DRGX: variants seen among roughly 807,000 people sequenced by gnomAD.
DRGX encodes the protein dorsal root ganglia homeobox protein.
In DRGX, 21 loss-of-function variants were observed where a neutral mutation model predicts 28.6. That is an observed-to-expected ratio of 0.73 (90% CI 0.52 to 1.06). DRGX has a LOEUF of 1.06. DRGX is among the 50% of genes least tolerant of loss of function. The pLI, the probability that DRGX is intolerant of heterozygous loss-of-function variation, is 0.00. For synonymous variants in DRGX, 136 were observed against 139.1 expected (o/e 0.98, Z 0.16); for missense variants, 354 against 343.9 (o/e 1.03, Z -0.23).
At chr10:49,386,964 T>C in intron 4 of DRGX, 106 bp from the exon 5 acceptor site, 2 of 1,318,570 alleles carry the variant, frequency 1.5e-6, no homozygotes, top group Non-Finnish European at 1.0e-6. Flanking sequence ...CAGCCTCCTC[T>C]CCACACCATG....
chr10:49,368,111 C>T (rs1849618312), intron 6 of DRGX, among the ~76,000 whole-genome samples: 1 of 152,188 alleles, frequency 6.6e-6, no homozygotes, highest in Non-Finnish European at 1.5e-5. Context: ...CAAAGGGAAC[C>T]TCACCTTTAC....
At chr10:49,384,625 G>C (rs1849811437) in intron 6 of DRGX, among the ~76,000 whole-genome samples, 1 of 152,200 alleles carries the variant, frequency 6.6e-6, no homozygotes, top group South Asian at 2.1e-4. Flanking sequence ...GATGTTTGTG[G>C]CCACGTTCAC....
intron 6 of DRGX, among the ~76,000 whole-genome samples, chr10:49,385,945 C>T (rs772688770): frequency 2.6e-5 from 4 of 152,170 alleles, no homozygotes; most frequent in Non-Finnish European, 5.9e-5. Context: ...AGAGGCTCCT[C>T]TCTCTGAGTC....
chr10:49,379,604 C>A (rs1312058692), intron 6 of DRGX, among the ~76,000 whole-genome samples: 2 of 152,174 alleles, frequency 1.3e-5, no homozygotes, highest in Non-Finnish European at 2.9e-5. Flanking sequence ...TCAGCCTGGC[C>A]TGGAAGTCCA....
At chr10:49,387,306 A>G (rs1350018585) in intron 4 of DRGX, among the ~76,000 whole-genome samples, 1 of 152,112 alleles carries the variant, frequency 6.6e-6, no homozygotes, top group African/African-American at 2.4e-5. Flanking sequence ...TATCTATGAT[A>G]TCATCTGGAT....
At chr10:49,378,566 A>G (rs1381944382) in intron 6 of DRGX, among the ~76,000 whole-genome samples, 7 of 152,250 alleles carry the variant, frequency 4.6e-5, no homozygotes, top group Admixed American at 4.6e-4. Flanking sequence ...TAGAATGCAA[A>G]TTATATCTCA....
chr10:49,395,442 G>A lies in DRGX; in HGVS notation c.-2C>T, dbSNP rs1849957122. The A allele has an allele frequency of 6.5e-7, 1 of 1,550,234 alleles. No homozygotes were observed. Among genetic ancestry groups the A allele is most frequent in the East Asian group, 2.4e-5 (1 of 40,908 alleles). ...TGGCGGGCAGTGGAAATAAAACATC[G>A]CCGGCTGTCAGATCGGCTGGACGGC... On this transcript the variant is annotated 5_prime_UTR_variant, in exon 2 of 7. Coordinates refer to ENST00000374139, the MANE Select transcript of DRGX (RefSeq NM_001276451.2).
At position 49,375,869 on chromosome 10, in the gene DRGX, C is replaced by T. The variant is rs573257513; in HGVS notation, c.527-9488G>A. ...CCTCCTTCCAGCAGCAGCCAGAGCTCGGCATGGGCAGGCTGCTTCTCCTGC... is the reference window on the plus strand; with the variant it reads ...CCTCCTTCCAGCAGCAGCCAGAGCTTGGCATGGGCAGGCTGCTTCTCCTGC... On this transcript the variant is annotated intron_variant, in intron 6 of 6. Transcript: ENST00000374139. Among the ~76,000 whole-genome samples the T allele has an allele frequency of 4.6e-5, 7 of 152,250 alleles. No individual in the cohort carries two copies. In the East Asian group the frequency reaches 7.7e-4, roughly 17 times the overall value.
At chr10:49,378,301 T>C (rs1286765968) in intron 6 of DRGX, among the ~76,000 whole-genome samples, 1 of 152,042 alleles carries the variant, frequency 6.6e-6, no homozygotes, top group Non-Finnish European at 1.5e-5. Context: ...AGCTTCCTCA[T>C]GAGATCAATA....
chr10:49,370,422 C>T (rs1849647120), intron 6 of DRGX, among the ~76,000 whole-genome samples: 1 of 152,160 alleles, frequency 6.6e-6, no homozygotes, highest in South Asian at 2.1e-4. Flanking sequence ...TAAAAAGAGC[C>T]TTGGGCACAC....
chr10:49,374,435 C>T (rs1386230544), intron 6 of DRGX, among the ~76,000 whole-genome samples: 1 of 152,138 alleles, frequency 6.6e-6, no homozygotes, highest in Non-Finnish European at 1.5e-5. Flanking sequence ...CCATGAAGCC[C>T]CTAAAAGGCC....
At chr10:49,377,159 G>T (rs939101099) in intron 6 of DRGX, among the ~76,000 whole-genome samples, 1 of 152,180 alleles carries the variant, frequency 6.6e-6, no homozygotes, top group African/African-American at 2.4e-5. Context: ...CCTAAGAGAG[G>T]ACCTTCTCCC....
At chr10:49,393,443 A>G (rs904160828) in intron 2 of DRGX, among the ~76,000 whole-genome samples, 3 of 152,364 alleles carry the variant, frequency 2.0e-5, no homozygotes, top group South Asian at 2.1e-4. Context: ...TTTTCAATGT[A>G]TAAGTTTCTG....
rs373354212 is a variant in DRGX at position 49,370,530 on chromosome 10, C to T, written c.527-4149G>A. On this transcript the variant is annotated intron_variant, in intron 6 of 6. Transcript: ENST00000374139. Reference sequence around the variant, plus strand: ...AAGGGGGCGGATGCCTGCAGGTGGACGCACAAACACGGTAACAGCCACACC... The same window carrying T: ...AAGGGGGCGGATGCCTGCAGGTGGATGCACAAACACGGTAACAGCCACACC... Among the ~76,000 whole-genome samples, 56 of 151,138 alleles carry T rather than the reference C, an allele frequency of 3.7e-4. 1 individual carries two copies. The South Asian group carries it at 7.7e-3, about 21-fold the overall frequency.
intron 6 of DRGX, among the ~76,000 whole-genome samples, chr10:49,381,079 C>T (rs568341697): frequency 3.3e-5 from 5 of 152,352 alleles, no homozygotes; most frequent in Admixed American, 6.5e-5. Context: ...AGAAGAACTA[C>T]GGTTCACACC....
At chr10:49,385,252 C>T (rs368813537) in intron 6 of DRGX, among the ~76,000 whole-genome samples, 4 of 152,126 alleles carry the variant, frequency 2.6e-5, no homozygotes, top group African/African-American at 9.7e-5. Flanking sequence ...CCACATCAGC[C>T]GACTGAGCCA....
chr10:49,386,044 C>T (rs558251524), intron 6 of DRGX, among the ~76,000 whole-genome samples: 4 of 152,124 alleles, frequency 2.6e-5, no homozygotes, highest in South Asian at 2.1e-4. Flanking sequence ...CAAATCCTAA[C>T]GGCTCAGACC....
chr10:49,390,533 TAACA>T (rs1849891186), intron 3 of DRGX, among the ~76,000 whole-genome samples: 1 of 152,212 alleles, frequency 6.6e-6, no homozygotes, highest in African/African-American at 2.4e-5. Context: ...AAAAAAAAAC[TAACA>T]GTCACCTTAT....
intron 6 of DRGX, among the ~76,000 whole-genome samples, chr10:49,370,598 C>T (rs938592296): frequency 2.0e-5 from 3 of 152,238 alleles, no homozygotes; most frequent in Admixed American, 2.0e-4. Flanking sequence ...AAGGGAGGTC[C>T]TCAGAGGCTG....
Sources: allele counts gnomAD v4.1 joint callset (sites outside exome capture counted in the v4.1 genomes callset), GRCh38; gene constraint gnomAD v4.1.1; transcripts MANE v1.5; gene names NCBI Gene and HGNC (gene_info 2026-07-23, HGNC 2026-07-21).